Variants in ASH1L observed in about 807,000 individuals in gnomAD.
ASH1L encodes ASH1 like histone lysine methyltransferase.
ASH1L carries 23 observed loss-of-function variants against 269.0 expected under a neutral mutation model. The observed-to-expected ratio is 0.09, with a 90% CI of 0.06 to 0.12. The LOEUF is 0.12. Among genes scored for constraint, ASH1L ranks in the 10% least tolerant of loss-of-function variants. The pLI is 1.00. For missense variants in ASH1L, 2,912 were observed against 3,567.8 expected (o/e 0.82, Z 4.68); for synonymous variants, 1,187 against 1,253.5 (o/e 0.95, Z 1.12).
rs553045499 is a variant in ASH1L, at chr1:155,427,313, C to CT, written c.5828+11013dup. Among the ~76,000 whole-genome samples, 553 of 141,580 alleles carry CT rather than the reference C, an allele frequency of 3.9e-3. 4 individuals are homozygous for CT. The highest frequency in any genetic ancestry group is 0.028 in the South Asian group (124 of 4,432). 92.9% of individuals were successfully genotyped at this position (141,580 alleles called of 152,430 possible). ...CCACACCTGGCTAATTTTAATTTTT[C>CT]TTTTTTTTTTTGAGATGGAGTCCCG... On this transcript the variant is annotated intron_variant, in intron 5 of 27. Coordinates refer to ENST00000392403, the MANE Select transcript of ASH1L (RefSeq NM_018489.3).
At chr1:155,392,822 C>A (rs1039699754) in intron 7 of ASH1L, among the ~76,000 whole-genome samples, 24 of 151,844 alleles carry the variant, frequency 1.6e-4, no homozygotes, top group African/African-American at 5.8e-4. Flanking sequence ...TCTTTCAATA[C>A]CAAAAGTAGA....
intron 2 of ASH1L, among the ~76,000 whole-genome samples, chr1:155,494,696 G>A (rs1369851606): frequency 1.3e-5 from 2 of 152,072 alleles, no homozygotes; most frequent in East Asian, 3.9e-4. Context: ...TGATGATCAG[G>A]AGTTTAGTTT....
At chr1:155,459,026 T>A (rs1172549423) in intron 4 of ASH1L, among the ~76,000 whole-genome samples, 1 of 151,594 alleles carries the variant, frequency 6.6e-6, no homozygotes, top group Non-Finnish European at 1.5e-5. Flanking sequence ...TAAATTTCTG[T>A]ATAAATTATA....
intron 6 of ASH1L, among the ~76,000 whole-genome samples, chr1:155,411,556 A>T (rs1479792639): frequency 8.0e-6 from 1 of 124,406 alleles, no homozygotes; most frequent in South Asian, 2.8e-4. Flanking sequence ...GATATATATA[A>T]ATATAAATAT....
chr1:155,476,152 C>A (rs1033169172), intron 3 of ASH1L, among the ~76,000 whole-genome samples: 1 of 151,996 alleles, frequency 6.6e-6, no homozygotes, highest in Non-Finnish European at 1.5e-5. Context: ...TTTGGGAGGC[C>A]GAGGTGGGCG....
intron 3 of ASH1L, among the ~76,000 whole-genome samples, chr1:155,465,952 G>A (rs1043622587): frequency 2.2e-4 from 34 of 152,122 alleles, no homozygotes; most frequent in African/African-American, 8.2e-4. Context: ...AAAAACAGCT[G>A]TTTTCAATTG....
At chr1:155,530,192 C>G (rs960293158) in intron 1 of ASH1L, among the ~76,000 whole-genome samples, 2 of 152,122 alleles carry the variant, frequency 1.3e-5, no homozygotes, top group Non-Finnish European at 2.9e-5. Context: ...CCACCACCCT[C>G]TACTCACATT....
intron 2 of ASH1L, among the ~76,000 whole-genome samples, chr1:155,484,687 T>C (rs1293690416): frequency 7.0e-6 from 1 of 142,440 alleles, no homozygotes; most frequent in East Asian, 2.2e-4. Flanking sequence ...CCACCACTTT[T>C]GGAGGCCGAG....
At chr1:155,385,695 T>C (rs1198396167) in intron 7 of ASH1L, among the ~76,000 whole-genome samples, 1 of 152,162 alleles carries the variant, frequency 6.6e-6, no homozygotes. Context: ...ACTTTTGTAG[T>C]AGTATAAGGT....
At chr1:155,437,901 T>C (rs970552006) in intron 5 of ASH1L, among the ~76,000 whole-genome samples, 16 of 152,194 alleles carry the variant, frequency 1.1e-4, no homozygotes, top group African/African-American at 3.6e-4. Context: ...GTCGCCCAGG[T>C]TGGAGTGCAG....
Position 155,380,137 on chromosome 1 carries a change from A to C in ASH1L, c.6104-21T>G, listed in dbSNP as rs756103568. On this transcript the variant is annotated intron_variant, in intron 7 of 27. Coordinates refer to ENST00000392403, the MANE Select transcript of ASH1L (RefSeq NM_018489.3). ...CTTTCCTGAAACAAAAAACACTATT[A>C]ATTTCAATACCTTTTCTAATATTTG... 1.9e-6 allele frequency: 3 copies of C among 1,568,562 alleles called. No homozygotes were observed. The South Asian group carries it at 3.3e-5, about 17-fold the overall frequency.
chr1:155,543,258 C>T (rs533084375), intron 1 of ASH1L, among the ~76,000 whole-genome samples: 1 of 152,046 alleles, frequency 6.6e-6, no homozygotes, highest in Admixed American at 6.6e-5. Context: ...TGCCTGTAAT[C>T]ACAGCACTCT....
chr1:155,363,310 C>T (rs900114894), intron 12 of ASH1L, among the ~76,000 whole-genome samples: 3 of 151,956 alleles, frequency 2.0e-5, no homozygotes, highest in African/African-American at 7.3e-5. Flanking sequence ...CAGTATCTCA[C>T]TCTTGTATAG....
Position 155,438,700 on chromosome 1 carries a change from T to C in ASH1L, c.5455A>G (p.Thr1819Ala). ...TTGACATGGTCTAGGTTTTTCTTTG[T>C]GGCCAAGATTTTGTCGTAATTGCAC... is the stretch of plus-strand genomic sequence containing the variant. ...KMCNYDKILA[T>A]KKNLDHVNKI... The change falls in exon 5 of 28, where the codon ACA becomes GCA. Residue 1819 changes from threonine to alanine, a missense_variant. Thr to Ala is a moderately conservative substitution (Grantham distance 58). Coordinates refer to ENST00000392403, the MANE Select transcript of ASH1L (RefSeq NM_018489.3). The C allele has an allele frequency of 1.2e-6, 2 of 1,614,070 alleles. No individual in the cohort carries two copies. Among genetic ancestry groups the C allele is most frequent in the Non-Finnish European group, 1.7e-6 (2 of 1,180,020 alleles).
At chr1:155,476,957 T>A (rs995882100) in intron 3 of ASH1L, among the ~76,000 whole-genome samples, 12 of 152,156 alleles carry the variant, frequency 7.9e-5, no homozygotes, top group Non-Finnish European at 1.5e-4. Context: ...TCCCATTATA[T>A]AGGAGGTTTA....
chr1:155,513,850 G>T (rs1182538899), intron 2 of ASH1L, among the ~76,000 whole-genome samples: 1 of 152,044 alleles, frequency 6.6e-6, no homozygotes, highest in Non-Finnish European at 1.5e-5. Flanking sequence ...AACAAATCTA[G>T]AAATTAATAG....
In ASH1L at chr1:155,337,038, T is replaced by C. The variant is rs374348958; in HGVS notation, c.*622A>G. The C allele has an allele frequency of 3.2e-4, 49 of 152,266 alleles. 1 individual carries two copies. The highest frequency in any genetic ancestry group is 1.1e-3 in the African/African-American group (44 of 41,402). 9.4% of individuals were successfully genotyped at this position (152,266 alleles called of 1,614,324 possible). A position where few individuals can be genotyped will look rare whatever the true frequency, so the allele number is the denominator to read the frequency against. On this transcript the variant is annotated 3_prime_UTR_variant, in exon 28 of 28. Transcript: ENST00000392403. ...GGGCCTTCCCTATCCCATGATTCCA[T>C]TTTGGGGAGTAGAGGTAGGGAGGGG...
At chr1:155,562,070 T>C (rs1038796723) in intron 1 of ASH1L, 83 bp downstream of exon 1, 226 of 936,162 alleles carry the variant, frequency 2.4e-4, no homozygotes, top group Non-Finnish European at 3.6e-4. Flanking sequence ...GTCCGGGAGA[T>C]GACAGTGGCT....
intron 2 of ASH1L, among the ~76,000 whole-genome samples, chr1:155,518,582 A>G (rs1036849000): frequency 1.6e-4 from 24 of 151,882 alleles, no homozygotes; most frequent in African/African-American, 5.8e-4. Context: ...TCTTCAAAGA[A>G]GATACACAAA....
Sources: allele counts gnomAD v4.1 joint callset (sites outside exome capture counted in the v4.1 genomes callset), GRCh38; gene constraint gnomAD v4.1.1; transcripts MANE v1.5; gene names NCBI Gene and HGNC (gene_info 2026-07-23, HGNC 2026-07-21).